The following SLC4A4 variants were observed in gnomAD, a reference collection of about 807,000 sequenced individuals.
SLC4A4 encodes solute carrier family 4 member 4.
SLC4A4 carries 27 observed loss-of-function variants against 111.5 expected under a neutral mutation model. That is an observed-to-expected ratio of 0.24 (90% confidence interval 0.18 to 0.33). The LOEUF is 0.33. SLC4A4 is among the 10% of genes least tolerant of loss of function. The pLI is 1.00. For missense variants in SLC4A4, 909 were observed against 1,315.5 expected (o/e 0.69, Z 4.78); for synonymous variants, 443 against 463.4 (o/e 0.96, Z 0.57).
At chr4:71,385,985 G>T (rs1718680145) in intron 6 of SLC4A4, among the ~76,000 whole-genome samples, 1 of 151,608 alleles carries the variant, frequency 6.6e-6, no homozygotes, top group Admixed American at 6.6e-5. Flanking sequence ...TTGTATAAAA[G>T]GACAAATTAA....
intron 12 of SLC4A4, among the ~76,000 whole-genome samples, chr4:71,463,668 T>C (rs1240013377): frequency 6.6e-6 from 1 of 152,190 alleles, no homozygotes; most frequent in African/African-American, 2.4e-5. Context: ...TTGGTTGTTA[T>C]CTTTACCGAA....
chr4:71,314,165 A>T (rs900687292), intron 3 of SLC4A4, among the ~76,000 whole-genome samples: 12 of 152,138 alleles, frequency 7.9e-5, no homozygotes, highest in African/African-American at 2.7e-4. Context: ...AGAAACATAT[A>T]AAAAAAGCTC....
intron 2 of SLC4A4, among the ~76,000 whole-genome samples, chr4:71,118,993 T>C (rs1743346133): frequency 6.6e-6 from 1 of 151,662 alleles, no homozygotes; most frequent in African/African-American, 2.4e-5. Flanking sequence ...ATACATGTCA[T>C]TATGCATTTG....
intron 2 of SLC4A4, among the ~76,000 whole-genome samples, chr4:71,098,017 G>C (rs1426131429): frequency 6.6e-6 from 1 of 152,176 alleles, no homozygotes; most frequent in Non-Finnish European, 1.5e-5. Context: ...CTGTGCAGAA[G>C]CTCGTGTTTA....
At chr4:71,532,777 C>A (rs1734055875) in intron 17 of SLC4A4, among the ~76,000 whole-genome samples, 1 of 152,022 alleles carries the variant, frequency 6.6e-6, no homozygotes, top group Non-Finnish European at 1.5e-5. Flanking sequence ...AAGTAAAATG[C>A]CTAAGATTAT....
At chr4:71,107,312 G>T (rs768697742) in intron 2 of SLC4A4, among the ~76,000 whole-genome samples, 2 of 151,810 alleles carry the variant, frequency 1.3e-5, no homozygotes, top group Non-Finnish European at 2.9e-5. Flanking sequence ...TTCATTTCCG[G>T]CATTACTGTC....
intron 18 of SLC4A4, among the ~76,000 whole-genome samples, chr4:71,542,792 C>A (rs1269609574): frequency 2.0e-5 from 3 of 152,016 alleles, no homozygotes; most frequent in African/African-American, 7.2e-5. Flanking sequence ...TTGTTTTGAC[C>A]AGCTCTACCA....
At chr4:71,481,243 T>A (rs1728852730) in intron 14 of SLC4A4, among the ~76,000 whole-genome samples, 1 of 151,724 alleles carries the variant, frequency 6.6e-6, no homozygotes, top group Non-Finnish European at 1.5e-5. Flanking sequence ...CCACATTGTA[T>A]TAGGTGATAC....
At chr4:71,455,136 A>G (rs1055171524) in intron 12 of SLC4A4, among the ~76,000 whole-genome samples, 1 of 152,164 alleles carries the variant, frequency 6.6e-6, no homozygotes, top group African/African-American at 2.4e-5. Flanking sequence ...TCATTTTCTG[A>G]TCTTCAAAGA....
chr4:71,304,284 C>A (rs1207259421), intron 3 of SLC4A4, among the ~76,000 whole-genome samples: 1 of 152,196 alleles, frequency 6.6e-6, no homozygotes, highest in Admixed American at 6.5e-5. Flanking sequence ...CCAGGGAAAG[C>A]CAGTGGTGTA....
intron 2 of SLC4A4, among the ~76,000 whole-genome samples, chr4:71,179,590 T>A (rs1366804871): frequency 3.3e-5 from 5 of 151,954 alleles, no homozygotes; most frequent in Non-Finnish European, 5.9e-5. Flanking sequence ...ATGAGTGAAC[T>A]CCCATTCACA....
intron 2 of SLC4A4, among the ~76,000 whole-genome samples, chr4:71,145,814 T>TG (rs1465715456): frequency 6.6e-5 from 10 of 152,232 alleles, no homozygotes; most frequent in Non-Finnish European, 1.0e-4. Flanking sequence ...CATTTTTTCT[T>TG]GCGTCTATTT....
chr4:71,319,228 C>G (rs1186114242), intron 3 of SLC4A4, among the ~76,000 whole-genome samples: 1 of 151,954 alleles, frequency 6.6e-6, no homozygotes, highest in Non-Finnish European at 1.5e-5. Flanking sequence ...TATCTGTGAA[C>G]CATCGTGCAT....
chr4:71,310,797 G>A (rs559216833), intron 3 of SLC4A4, among the ~76,000 whole-genome samples: 31 of 152,212 alleles, frequency 2.0e-4, no homozygotes, highest in African/African-American at 6.7e-4. Flanking sequence ...TAACCAGCTA[G>A]CATCATGATG....
intron 2 of SLC4A4, among the ~76,000 whole-genome samples, chr4:71,159,548 G>C (rs1308312678): frequency 6.6e-6 from 1 of 151,948 alleles, no homozygotes; most frequent in African/African-American, 2.4e-5. Context: ...ATTTTTAGTA[G>C]AGACAGAGTT....
intron 3 of SLC4A4, among the ~76,000 whole-genome samples, chr4:71,309,463 C>A (rs774537005): frequency 1.3e-5 from 2 of 152,124 alleles, no homozygotes; most frequent in African/African-American, 2.4e-5. Context: ...TTGACAGACA[C>A]CTCATACAGG....
At chr4:71,144,028 ATGTCC>A (rs1383784965) in intron 2 of SLC4A4, among the ~76,000 whole-genome samples, 36 of 152,334 alleles carry the variant, frequency 2.4e-4, no homozygotes, top group African/African-American at 8.7e-4. Context: ...GCCCATGCCT[ATGTCC>A]TGAATGGTAT....
intron 2 of SLC4A4, among the ~76,000 whole-genome samples, chr4:71,238,332 G>A (rs1437462540): frequency 3.9e-5 from 6 of 152,150 alleles, no homozygotes; most frequent in Non-Finnish European, 7.4e-5. Context: ...TAAAAAGTGC[G>A]TTTCCTGAAC....
At chr4:71,511,327 A>G (rs1731894593) in intron 16 of SLC4A4, among the ~76,000 whole-genome samples, 2 of 151,936 alleles carry the variant, frequency 1.3e-5, no homozygotes, top group Non-Finnish European at 2.9e-5. Flanking sequence ...CTCAGCATTT[A>G]TTTGTCTGGG....
Sources: allele counts gnomAD v4.1 joint callset (sites outside exome capture counted in the v4.1 genomes callset), GRCh38; gene constraint gnomAD v4.1.1; transcripts MANE v1.5; gene names NCBI Gene and HGNC (gene_info 2026-07-23, HGNC 2026-07-21).